Variants in TRPM3 observed in about 807,000 individuals in gnomAD.
TRPM3 encodes the protein long transient receptor potential channel 3.
In TRPM3, 77 loss-of-function variants were observed where a neutral mutation model predicts 181.2. The ratio of observed to expected loss-of-function variants is 0.42; its 90% CI spans 0.35 to 0.51. The LOEUF (loss-of-function observed/expected upper bound fraction) is 0.51. Ranked by LOEUF, TRPM3 falls within the 20% of genes least tolerant of loss-of-function variation. The pLI, the probability that TRPM3 is intolerant of heterozygous loss-of-function variation, is 0.01. For missense variants in TRPM3, 1,759 were observed against 2,196.7 expected, an observed-to-expected ratio of 0.80 and a Z score of 3.98; for synonymous variants, 745 against 796.4, an observed-to-expected ratio of 0.94 and a Z score of 1.09.
chr9:70,613,349 G>A (rs1213971827), intron 18 of TRPM3, among the ~76,000 whole-genome samples: 3 of 152,140 alleles, frequency 2.0e-5, no homozygotes, highest in Non-Finnish European at 4.4e-5. Flanking sequence ...CTTTTGAGGT[G>A]AACTAAACTA....
intron 1 of TRPM3, among the ~76,000 whole-genome samples, chr9:71,427,351 C>T (rs1285236042): frequency 3.9e-5 from 6 of 152,138 alleles, no homozygotes; most frequent in Admixed American, 2.6e-4. Context: ...CACACTTCAG[C>T]TGTATTTATT....
chr9:71,357,432 G>T (rs2091948389), intron 1 of TRPM3, among the ~76,000 whole-genome samples: 1 of 152,152 alleles, frequency 6.6e-6, no homozygotes, highest in Admixed American at 6.6e-5. Flanking sequence ...CAAATGCAAA[G>T]ATAAGCAGAC....
At chr9:70,611,842 G>C (rs1226605663) in intron 18 of TRPM3, among the ~76,000 whole-genome samples, 1 of 152,160 alleles carries the variant, frequency 6.6e-6, no homozygotes, top group Non-Finnish European at 1.5e-5. Flanking sequence ...ATTTCCTTGA[G>C]AACAGAATCA....
At chr9:70,604,738 C>G (rs564554125) in intron 19 of TRPM3, among the ~76,000 whole-genome samples, 1 of 150,692 alleles carries the variant, frequency 6.6e-6, no homozygotes, top group Non-Finnish European at 1.5e-5. Context: ...CATTGACTTC[C>G]TGGGCTCAGG....
At position 70,842,980 on chromosome 9, in the gene TRPM3, AAGCGAC is replaced by A; in HGVS notation, c.801+17_801+22del. On this transcript the variant is annotated intron_variant, in intron 5 of 25. Coordinates refer to ENST00000677713, the MANE Select transcript of TRPM3 (RefSeq NM_001366145.2). ...TATCCCCTCTAGGAGAAGTCATGGA[AAGCGAC>A]AGCACTCAGGACTTACATCTCTTCC... is the stretch of plus-strand genomic sequence containing the variant. The A allele has an allele frequency of 6.2e-7, 1 of 1,609,012 alleles. No individual in the cohort carries two copies. Among genetic ancestry groups the A allele is most frequent in the Non-Finnish European group, 8.5e-7 (1 of 1,178,380 alleles).
intron 1 of TRPM3, among the ~76,000 whole-genome samples, chr9:71,214,093 A>C (rs1380816667): frequency 1.3e-5 from 2 of 152,278 alleles, no homozygotes; most frequent in East Asian, 3.9e-4. Context: ...TTATTTCTTA[A>C]AACATGCAGA....
intron 1 of TRPM3, among the ~76,000 whole-genome samples, chr9:71,256,974 A>G (rs906759762): frequency 6.6e-6 from 1 of 152,242 alleles, no homozygotes. Flanking sequence ...TATAAATCCT[A>G]AACATTCTGA....
intron 6 of TRPM3, among the ~76,000 whole-genome samples, chr9:70,791,695 G>A (rs1179081382): frequency 6.6e-6 from 1 of 152,128 alleles, no homozygotes; most frequent in African/African-American, 2.4e-5. Context: ...AAAATATAGA[G>A]TTTGGATTAA....
intron 1 of TRPM3, among the ~76,000 whole-genome samples, chr9:71,178,061 T>C (rs2077205415): frequency 1.3e-5 from 2 of 152,120 alleles, no homozygotes; most frequent in South Asian, 4.1e-4. Flanking sequence ...TAGGATTTTT[T>C]TTCCTTCTAG....
At chr9:70,958,219 C>G (rs1301418688) in intron 1 of TRPM3, among the ~76,000 whole-genome samples, 1 of 152,088 alleles carries the variant, frequency 6.6e-6, no homozygotes, top group African/African-American at 2.4e-5. Flanking sequence ...AAAGGGTAGG[C>G]TATTTTTGCT....
intron 4 of TRPM3, among the ~76,000 whole-genome samples, chr9:70,845,965 A>G (rs1352902331): frequency 1.3e-5 from 2 of 152,230 alleles, no homozygotes; most frequent in Non-Finnish European, 2.9e-5. Context: ...TTTATGTCCC[A>G]GATGGAAACG....
At chr9:71,351,771 A>T (rs2091638645) in intron 1 of TRPM3, among the ~76,000 whole-genome samples, 3 of 152,192 alleles carry the variant, frequency 2.0e-5, no homozygotes, top group Admixed American at 2.0e-4. Flanking sequence ...AAATGTCCTA[A>T]ATGATAAACA....
intron 1 of TRPM3, among the ~76,000 whole-genome samples, chr9:70,919,820 C>G (rs1258053585): frequency 2.6e-5 from 4 of 151,996 alleles, no homozygotes; most frequent in Non-Finnish European, 1.5e-5. Context: ...CCACCATACT[C>G]CTATGATATT....
chr9:70,598,600 G>C lies in TRPM3; in HGVS notation c.2867C>G (p.Thr956Arg). The change falls in exon 21 of 26, where the codon ACG (threonine) becomes AGG (arginine). Residue 956 changes from threonine to arginine, a missense_variant. Coordinates refer to ENST00000677713, the MANE Select transcript of TRPM3 (RefSeq NM_001366145.2). Reference sequence around the variant, plus strand: ...AAACAGAAGGATGGCGATGAGGTCCGTGACATTCCAGTACTCCTGCAGCCA... The same window carrying C: ...AAACAGAAGGATGGCGATGAGGTCCCTGACATTCCAGTACTCCTGCAGCCA... ...KVWLQEYWNV[T>R]DLIAILLFSV... 1 of 1,614,200 alleles carries C rather than the reference G, an allele frequency of 6.2e-7. No homozygotes were observed. Among genetic ancestry groups the C allele is most frequent in the Non-Finnish European group, 8.5e-7 (1 of 1,180,034 alleles).
intron 1 of TRPM3, among the ~76,000 whole-genome samples, chr9:71,394,829 T>C (rs2093151785): frequency 6.6e-6 from 1 of 152,202 alleles, no homozygotes; most frequent in South Asian, 2.1e-4. Flanking sequence ...AGTGTCAATA[T>C]ACAAACCTTC....
intron 1 of TRPM3, among the ~76,000 whole-genome samples, chr9:71,420,989 G>GAGAGAGAAAA (rs755344337): frequency 0.24 from 24,715 of 101,680 alleles, 5,104 homozygotes; most frequent in East Asian, 0.41. Context: ...GAGAGAAAAA[G>GAGAGAGAAAA]AGAGAGAAAA....
intron 1 of TRPM3, among the ~76,000 whole-genome samples, chr9:71,163,497 A>G (rs1001290241): frequency 6.6e-6 from 1 of 152,180 alleles, no homozygotes; most frequent in Non-Finnish European, 1.5e-5. Context: ...AGGGTAGGCA[A>G]TGTCAAAGAG....
intron 1 of TRPM3, among the ~76,000 whole-genome samples, chr9:71,011,278 T>G (rs1480666504): frequency 7.2e-5 from 11 of 152,108 alleles, no homozygotes; most frequent in Admixed American, 7.2e-4. Context: ...TATTTCAAGA[T>G]AGCTAGAAGA....
At chr9:70,938,222 T>TA (rs920777569) in intron 1 of TRPM3, among the ~76,000 whole-genome samples, 2 of 152,186 alleles carry the variant, frequency 1.3e-5, no homozygotes, top group African/African-American at 4.8e-5. Flanking sequence ...GCTAGAGCTC[T>TA]AGACAGGTTC....
Sources: allele counts gnomAD v4.1 joint callset (sites outside exome capture counted in the v4.1 genomes callset), GRCh38; gene constraint gnomAD v4.1.1; transcripts MANE v1.5; gene names NCBI Gene and HGNC (gene_info 2026-07-23, HGNC 2026-07-21).